VPS13B: variants seen among roughly 807,000 people sequenced by gnomAD.
VPS13B encodes vacuolar protein sorting 13 homolog B, also known as intermembrane lipid transfer protein VPS13B.
VPS13B carries 285 observed loss-of-function variants against 426.4 expected under a neutral mutation model. The observed-to-expected ratio is 0.67, with a 90% CI of 0.61 to 0.74. The LOEUF is 0.74. Ranked by LOEUF, VPS13B falls within the 30% of genes least tolerant of loss-of-function variation. The pLI is 0.00. For missense variants in VPS13B, 4,537 were observed against 4,782.6 expected, an observed-to-expected ratio of 0.95 and a Z score of 1.51; for synonymous variants, 1,676 against 1,676.4, an observed-to-expected ratio of 1.00 and a Z score of 0.01.
intron 24 of VPS13B, among the ~76,000 whole-genome samples, chr8:99,478,455 T>TTTGTTTG (rs1819840758): frequency 7.5e-6 from 1 of 134,156 alleles, no homozygotes; most frequent in Non-Finnish European, 1.6e-5. Context: ...TTGTTTTTTT[T>TTTGTTTG]TTTTTTTTTT....
chr8:99,274,965 A>G (rs1818816768), intron 18 of VPS13B, 116 bp from the exon 19 acceptor site: 1 of 917,704 alleles, frequency 1.1e-6, no homozygotes, highest in Non-Finnish European at 1.6e-6. Context: ...TGTATAGCTA[A>G]TATTATCAAA....
In VPS13B at chr8:99,384,318, G is replaced by A. The variant is rs775729058; in HGVS notation, c.2934+1G>A. 1.2e-6 allele frequency: 2 copies of A among 1,609,084 alleles called. No individual in the cohort carries two copies. The highest frequency in any genetic ancestry group is 1.7e-6 in the Non-Finnish European group (2 of 1,176,002). On this transcript the variant is annotated splice_donor_variant, in intron 20 of 61. Transcript: ENST00000357162. LOFTEE classifies it high-confidence loss of function. ...ACGAACAAGTAGACATATGCAACAG[G>A]TAAGAGATTTTTAAATAATTTTTTC...
intron 39 of VPS13B, among the ~76,000 whole-genome samples, chr8:99,740,079 A>C (rs1046922636): frequency 1.2e-4 from 19 of 152,206 alleles, no homozygotes; most frequent in Admixed American, 5.9e-4. Flanking sequence ...CTTGCAAAAA[A>C]AATTAGACGA....
intron 58 of VPS13B, among the ~76,000 whole-genome samples, chr8:99,866,177 A>G (rs1016115738): frequency 6.6e-6 from 1 of 152,240 alleles, no homozygotes; most frequent in Non-Finnish European, 1.5e-5. Context: ...TCCACTCCTG[A>G]AAGCCTTCGA....
intron 21 of VPS13B, among the ~76,000 whole-genome samples, chr8:99,427,895 G>T (rs150270886): frequency 2.6e-5 from 4 of 152,238 alleles, no homozygotes; most frequent in African/African-American, 9.6e-5. Context: ...GGTACTACAA[G>T]GCTACAGTAA....
intron 8 of VPS13B, 68 bp from the exon 9 acceptor site, chr8:99,134,564 C>G (rs1809971533): frequency 2.4e-6 from 3 of 1,258,664 alleles, no homozygotes; most frequent in Non-Finnish European, 3.4e-6. Context: ...ATCAATTAAT[C>G]ATCATAATGA....
intron 4 of VPS13B, among the ~76,000 whole-genome samples, chr8:99,101,310 T>G (rs955829948): frequency 1.3e-5 from 2 of 152,018 alleles, no homozygotes; most frequent in African/African-American, 4.8e-5. Flanking sequence ...TTTTTTGTAT[T>G]TTTAGTAGAG....
At chr8:99,552,718 A>G (rs367910708) in intron 30 of VPS13B, among the ~76,000 whole-genome samples, 59 of 152,202 alleles carry the variant, frequency 3.9e-4, no homozygotes, top group Middle Eastern at 3.4e-3. Flanking sequence ...AAAGAATTAC[A>G]AAAAATATTT....
intron 39 of VPS13B, among the ~76,000 whole-genome samples, chr8:99,736,141 G>C (rs1293085997): frequency 6.6e-6 from 1 of 152,208 alleles, no homozygotes; most frequent in Non-Finnish European, 1.5e-5. Flanking sequence ...ATGGAGAGAA[G>C]AAGTGAGGAA....
At chr8:99,221,302 C>A (rs973015471) in intron 17 of VPS13B, among the ~76,000 whole-genome samples, 2 of 150,544 alleles carry the variant, frequency 1.3e-5, no homozygotes, top group African/African-American at 4.9e-5. Context: ...GGGTATATAC[C>A]CAGTAATGGG....
At chr8:99,253,668 T>C (rs577845881) in intron 17 of VPS13B, among the ~76,000 whole-genome samples, 4 of 152,308 alleles carry the variant, frequency 2.6e-5, no homozygotes, top group African/African-American at 9.6e-5. Flanking sequence ...AGTATGTTTC[T>C]TTGATCCAGT....
intron 23 of VPS13B, among the ~76,000 whole-genome samples, chr8:99,457,167 G>A (rs932937869): frequency 2.6e-5 from 4 of 151,652 alleles, no homozygotes; most frequent in South Asian, 4.2e-4. Flanking sequence ...GAGTAGCCAC[G>A]ATCACAGGCG....
chr8:99,801,059 T>C lies in VPS13B; in HGVS notation c.7942-8316T>C, dbSNP rs551122559. ...TTCAAACAGCCAAACAGTGACTTTCTTGTCAGTTACTTTGTTCCATTGTCT... is the reference window on the plus strand; with the variant it reads ...TTCAAACAGCCAAACAGTGACTTTCCTGTCAGTTACTTTGTTCCATTGTCT... On this transcript the variant is annotated intron_variant, in intron 43 of 61. Coordinates refer to ENST00000357162, the MANE Select transcript of VPS13B (RefSeq NM_152564.5). Among the ~76,000 whole-genome samples, 3 of 152,308 alleles carry C rather than the reference T, an allele frequency of 2.0e-5. No homozygotes were observed. The East Asian group carries it at 5.8e-4, about 29-fold the overall frequency.
intron 35 of VPS13B, among the ~76,000 whole-genome samples, chr8:99,685,840 G>A (rs1315423742): frequency 6.6e-6 from 1 of 152,130 alleles, no homozygotes; most frequent in Non-Finnish European, 1.5e-5. Context: ...ATCTCTCCAG[G>A]ATTAGTCTCT....
In VPS13B at chr8:99,115,736, A is replaced by G; in HGVS notation, c.799A>G (p.Thr267Ala). 1 of 1,613,310 alleles carries G rather than the reference A, an allele frequency of 6.2e-7. No individual in the cohort carries two copies. The highest frequency in any genetic ancestry group is 8.5e-7 in the Non-Finnish European group (1 of 1,179,642). ...AGTGGAAAGTTTGAAACTTTCTATCACAGATCAACAACTGCCTATGTTTAT... is the reference window on the plus strand; with the variant it reads ...AGTGGAAAGTTTGAAACTTTCTATCGCAGATCAACAACTGCCTATGTTTAT... Reference protein sequence around the residue: ...TLVESLKLSITDQQLPMFIRI... With the variant: ...TLVESLKLSIADQQLPMFIRI... Residue 267 changes from threonine (T) to alanine (A), a missense_variant, in exon 7 of 62, where the codon ACA (threonine) becomes GCA (alanine). By Grantham distance (58) the Thr-to-Ala change is moderately conservative. Transcript: ENST00000357162.
At chr8:99,315,722 C>T (rs973021686) in intron 19 of VPS13B, among the ~76,000 whole-genome samples, 14 of 151,922 alleles carry the variant, frequency 9.2e-5, no homozygotes, top group African/African-American at 2.7e-4. Flanking sequence ...CTGCAAGCTC[C>T]GCCTCCCGGG....
chr8:99,141,471 A>G (rs139791318), intron 12 of VPS13B, among the ~76,000 whole-genome samples: 97 of 152,268 alleles, frequency 6.4e-4, no homozygotes, highest in African/African-American at 2.1e-3. Context: ...CCGAAGTTCT[A>G]TCTTTAAGTT....
At chr8:99,323,819 A>T (rs1810106928) in intron 19 of VPS13B, among the ~76,000 whole-genome samples, 1 of 152,178 alleles carries the variant, frequency 6.6e-6, no homozygotes, top group Non-Finnish European at 1.5e-5. Context: ...AAAATATTGC[A>T]ATTATTTGAC....
intron 8 of VPS13B, among the ~76,000 whole-genome samples, chr8:99,127,173 T>C (rs1848221164): frequency 6.6e-6 from 1 of 152,160 alleles, no homozygotes; most frequent in African/African-American, 2.4e-5. Flanking sequence ...TCGTTTTTGG[T>C]GCTTCTCCTC....
Sources: gnomAD v4.1 joint callset for allele counts (sites outside exome capture counted in the v4.1 genomes callset) on GRCh38, gnomAD v4.1.1 for gene constraint, MANE v1.5 for transcripts, NCBI Gene and HGNC (gene_info 2026-07-23, HGNC 2026-07-21) for gene names.